Variants in CTH observed in about 807,000 individuals in gnomAD.
CTH encodes cystathionase (cystathionine gamma-lyase).
Under a neutral mutation model 50.6 loss-of-function variants are expected in CTH, and 41 were observed. The observed-to-expected ratio is 0.81, with a 90% confidence interval of 0.63 to 1.05. CTH has a LOEUF of 1.05. CTH is among the 50% of genes least tolerant of loss of function. The pLI is 0.00. For synonymous variants in CTH, 156 were observed against 168.9 expected, an observed-to-expected ratio of 0.92 and a Z score of 0.59; for missense variants, 470 against 492.6, an observed-to-expected ratio of 0.95 and a Z score of 0.43.
In CTH at chr1:70,439,350, T is replaced by A; in HGVS notation, c.*223T>A. On this transcript the variant is annotated 3_prime_UTR_variant, in exon 12 of 12. Transcript: ENST00000370938. The stretch of plus-strand genomic sequence containing the variant: ...ATTCTGTTAATATCTTTTTGTTAAT[T>A]TTGCTCTATGTTTGCCTCTGAAGGA... 1.8e-6 allele frequency: 1 copy of A among 561,592 alleles called. No individual in the cohort carries two copies. Among genetic ancestry groups the A allele is most frequent in the Non-Finnish European group, 3.2e-6 (1 of 316,924 alleles). The allele number at this position is 561,592 out of a possible 1,614,324, so 34.8% of individuals were successfully genotyped here. A position where few individuals can be genotyped will look rare whatever the true frequency, so the allele number is the denominator to read the frequency against.
chr1:70,429,740 T>C, intron 5 of CTH, 54 bp from the exon 6 acceptor site: 1 of 1,214,390 alleles, frequency 8.2e-7, no homozygotes, highest in Non-Finnish European at 1.2e-6. Flanking sequence ...AGGCAGGTAA[T>C]GAAGCATATT....
intron 4 of CTH, 111 bp downstream of exon 4, chr1:70,421,786 C>A (rs1469996564): frequency 1.8e-6 from 2 of 1,095,422 alleles, no homozygotes; most frequent in Non-Finnish European, 2.7e-6. Flanking sequence ...TTATTTTATG[C>A]CATTGGAAAC....
At chr1:70,414,672 T>C (rs1324701933) in intron 1 of CTH, among the ~76,000 whole-genome samples, 5 of 152,184 alleles carry the variant, frequency 3.3e-5, no homozygotes, top group Admixed American at 6.5e-5. Context: ...CTAATTAATG[T>C]TCGAATCCTT....
At chr1:70,414,252 G>T (rs1684039668) in intron 1 of CTH, among the ~76,000 whole-genome samples, 1 of 150,800 alleles carries the variant, frequency 6.6e-6, no homozygotes, top group Admixed American at 6.6e-5. Flanking sequence ...GGTGGCTCAC[G>T]CCTGTAATCC....
chr1:70,425,363 G>A (rs1420043377), intron 5 of CTH, among the ~76,000 whole-genome samples: 6 of 152,154 alleles, frequency 3.9e-5, no homozygotes, highest in Non-Finnish European at 7.3e-5. Context: ...TCTGAAGGCT[G>A]GGAAGTCCTC....
chr1:70,419,747 A>G (rs545565774), intron 3 of CTH, among the ~76,000 whole-genome samples: 13 of 152,316 alleles, frequency 8.5e-5, no homozygotes, highest in African/African-American at 3.1e-4. Context: ...AATGTTAGCT[A>G]TTTAAAGTGG....
In CTH at chr1:70,411,558, A is replaced by G; in HGVS notation, c.143A>G (p.Lys48Arg). 1 of 1,613,984 alleles carries G rather than the reference A, an allele frequency of 6.2e-7. No homozygotes were observed. Among genetic ancestry groups the G allele is most frequent in the Non-Finnish European group, 8.5e-7 (1 of 1,179,904 alleles). ...CCCATCTCACTGTCCACCACGTTCA[A>G]GCAAGGGGCGCCTGGCCAGCACTCG... ...VPPISLSTTFKQGAPGQHSGF... is the reference protein window; with the variant it reads ...VPPISLSTTFRQGAPGQHSGF... The change falls in exon 1 of 12, where the codon AAG becomes AGG. Residue 48 changes from lysine to arginine, a missense_variant. Lys to Arg is a conservative substitution (Grantham distance 26). Transcript: ENST00000370938.
In CTH at chr1:70,418,023, G is replaced by A. The variant is rs1684131005; in HGVS notation, c.337G>A (p.Val113Met). 1.1e-5 allele frequency: 17 copies of A among 1,614,000 alleles called. No homozygotes were observed. The highest frequency in any genetic ancestry group is 1.4e-5 in the Non-Finnish European group (17 of 1,180,000). The change falls in exon 3 of 12, where the codon GTG becomes ATG. Residue 113 changes from valine to methionine, a missense_variant. Coordinates refer to ENST00000370938, the MANE Select transcript of CTH (RefSeq NM_001902.6). ...AGDQIICMDD[V>M]YGGTNRYFRQ... is the part of the protein sequence containing the mutation. ...AGACCAAATTATTTGTATGGATGATGTGTATGGAGGTAGGTGACCCCTCTC... is the reference window on the plus strand; with the variant it reads ...AGACCAAATTATTTGTATGGATGATATGTATGGAGGTAGGTGACCCCTCTC...
At chr1:70,429,682 G>A (rs1684421659) in intron 5 of CTH, 112 bp from the exon 6 acceptor site, 2 of 768,152 alleles carry the variant, frequency 2.6e-6, no homozygotes, top group African/African-American at 3.5e-5. Flanking sequence ...ACATACTTTT[G>A]CAAAGTTAGT....
At chr1:70,428,152 C>T (rs970786754) in intron 5 of CTH, among the ~76,000 whole-genome samples, 2 of 152,112 alleles carry the variant, frequency 1.3e-5, no homozygotes, top group Non-Finnish European at 2.9e-5. Flanking sequence ...ATAGCATGAT[C>T]TCATTCATGT....
Position 70,438,806 on chromosome 1 carries a change from GA to G in CTH, c.1172del (p.Asp391ValfsTer4). 6.2e-7 allele frequency: 1 copy of G among 1,613,318 alleles called. No homozygotes were observed. ...EDEEDLLEDL[D>X]QALKAAHPPS... ...TGAGGAAGACCTACTGGAAGATCTA[GA>G]TCAAGCTTTGAAGGCAGCAGTAAGT... On this transcript the variant is annotated frameshift_variant, in exon 11 of 12. Coordinates refer to ENST00000370938, the MANE Select transcript of CTH (RefSeq NM_001902.6). LOFTEE classifies it high-confidence loss of function.
intron 3 of CTH, among the ~76,000 whole-genome samples, chr1:70,419,234 T>G (rs1326979313): frequency 6.6e-6 from 1 of 152,136 alleles, no homozygotes; most frequent in African/African-American, 2.4e-5. Context: ...TGTTGGACAT[T>G]TGGGTTGGTT....
At chr1:70,416,580 T>TG in intron 2 of CTH, among the ~76,000 whole-genome samples, 1 of 148,876 alleles carries the variant, frequency 6.7e-6, no homozygotes, top group African/African-American at 2.5e-5. Flanking sequence ...TTTTTTTTTT[T>TG]GAGACAGAGT....
chr1:70,416,788 C>T (rs181556403), intron 2 of CTH, among the ~76,000 whole-genome samples: 1 of 152,048 alleles, frequency 6.6e-6, no homozygotes, highest in Non-Finnish European at 1.5e-5. Context: ...TGGTCTCGAT[C>T]TCCTGACCTC....
chr1:70,439,023 GA>G, intron 11 of CTH, 77 bp from the exon 12 acceptor site: 3 of 1,542,166 alleles, frequency 1.9e-6, no homozygotes, highest in African/African-American at 1.4e-5. Flanking sequence ...GTAGTATTCA[GA>G]AAAAGGACTT....
intron 8 of CTH, among the ~76,000 whole-genome samples, chr1:70,432,777 G>A (rs985436366): frequency 8.7e-5 from 13 of 150,152 alleles, no homozygotes; most frequent in Admixed American, 2.0e-4. Context: ...TCTGCCTCCC[G>A]GGTTCAAGTG....
At chr1:70,433,772 C>A (rs367890728) in intron 8 of CTH, 56 bp from the exon 9 acceptor site, 56 of 1,610,394 alleles carry the variant, frequency 3.5e-5, no homozygotes, top group East Asian at 2.2e-4. Context: ...ACCCTCCCCC[C>A]CCAAAAATTA....
intron 5 of CTH, among the ~76,000 whole-genome samples, chr1:70,424,746 G>C (rs993237008): frequency 7.2e-5 from 11 of 152,274 alleles, no homozygotes; most frequent in African/African-American, 2.4e-4. Context: ...TCAAGACCAT[G>C]GTGAAACCCC....
At chr1:70,417,430 A>G (rs751179471) in intron 2 of CTH, among the ~76,000 whole-genome samples, 1 of 151,852 alleles carries the variant, frequency 6.6e-6, no homozygotes, top group Non-Finnish European at 1.5e-5. Context: ...GATTACAGGC[A>G]TGTGCCACCA....
Sources: gnomAD v4.1 joint callset for allele counts (sites outside exome capture counted in the v4.1 genomes callset) on GRCh38, gnomAD v4.1.1 for gene constraint, MANE v1.5 for transcripts, NCBI Gene and HGNC (gene_info 2026-07-23, HGNC 2026-07-21) for gene names.